The following DLG2 variants were observed in gnomAD, a reference collection of about 807,000 sequenced individuals.
DLG2 encodes the protein discs large MAGUK scaffold protein 2.
In DLG2, 45 loss-of-function variants were observed where a neutral mutation model predicts 132.5. The ratio of observed to expected loss-of-function variants is 0.34; its 90% CI spans 0.27 to 0.44. The LOEUF is 0.44. Ranked by LOEUF, DLG2 falls within the 20% of genes least tolerant of loss-of-function variation. The pLI, the probability that DLG2 is intolerant of heterozygous loss-of-function variation, is 1.00. For missense variants in DLG2, 1,045 were observed against 1,196.9 expected, an observed-to-expected ratio of 0.87 and a Z score of 1.87; for synonymous variants, 424 against 419.6, an observed-to-expected ratio of 1.01 and a Z score of -0.13.
intron 7 of DLG2, among the ~76,000 whole-genome samples, chr11:84,256,700 T>C (rs867860868): frequency 1.3e-5 from 2 of 152,188 alleles, no homozygotes; most frequent in African/African-American, 4.8e-5. Context: ...AGATTTCTTG[T>C]CTATTTAGAG....
chr11:84,777,265 ATGTATATGTGTGTGTG>A (rs1565933171), intron 6 of DLG2, among the ~76,000 whole-genome samples: 9 of 129,794 alleles, frequency 6.9e-5, no homozygotes, highest in African/African-American at 2.0e-4. Flanking sequence ...TTGTGTGTGT[ATGTATATGTGTGTGTG>A]TATATATATA....
At chr11:84,573,509 A>G (rs2099490995) in intron 6 of DLG2, among the ~76,000 whole-genome samples, 1 of 152,170 alleles carries the variant, frequency 6.6e-6, no homozygotes. Flanking sequence ...GTTAACATTA[A>G]GGTAGGCTGA....
At chr11:85,272,499 A>G (rs1171599983) in intron 4 of DLG2, among the ~76,000 whole-genome samples, 1 of 152,194 alleles carries the variant, frequency 6.6e-6, no homozygotes, top group African/African-American at 2.4e-5. Context: ...TTCCTTCTCC[A>G]GAACAGTTTT....
chr11:83,477,036 G>C (rs1019996592), intron 22 of DLG2, among the ~76,000 whole-genome samples: 1 of 152,064 alleles, frequency 6.6e-6, no homozygotes, highest in Non-Finnish European at 1.5e-5. Context: ...GTTTCACTCA[G>C]ATTAGTTCTT....
chr11:84,568,103 C>G (rs1474458639), intron 6 of DLG2, among the ~76,000 whole-genome samples: 1 of 152,136 alleles, frequency 6.6e-6, no homozygotes, highest in Non-Finnish European at 1.5e-5. Flanking sequence ...AATGGCATGG[C>G]TAGACCACCT....
chr11:84,454,339 TTGTC>T, intron 7 of DLG2, among the ~76,000 whole-genome samples: 1 of 151,540 alleles, frequency 6.6e-6, no homozygotes, highest in Middle Eastern at 3.4e-3. Context: ...ACTCAGGAAA[TTGTC>T]TAGCCTCTGA....
chr11:84,714,553 CTCTCTT>C (rs780891728), intron 6 of DLG2, among the ~76,000 whole-genome samples: 3,209 of 109,114 alleles, frequency 0.029, 98 homozygotes, highest in Admixed American at 0.096. Flanking sequence ...TTCTCTTTCT[CTCTCTT>C]TCTCTTTCTC....
chr11:84,030,419 T>A (rs2095659912), intron 11 of DLG2, among the ~76,000 whole-genome samples: 1 of 152,106 alleles, frequency 6.6e-6, no homozygotes, highest in South Asian at 2.1e-4. Context: ...GATATACAAG[T>A]TGAAAAGAAG....
intron 3 of DLG2, among the ~76,000 whole-genome samples, chr11:85,344,035 C>G (rs772436493): frequency 2.0e-5 from 3 of 152,184 alleles, no homozygotes; most frequent in Middle Eastern, 3.4e-3. Flanking sequence ...TATAAATATA[C>G]CAGGCAGATT....
intron 6 of DLG2, among the ~76,000 whole-genome samples, chr11:85,026,257 T>C (rs1354930313): frequency 1.3e-5 from 2 of 151,994 alleles, no homozygotes; most frequent in African/African-American, 4.8e-5. Context: ...TTCTGCAAAC[T>C]AAAAAGTAAA....
intron 7 of DLG2, among the ~76,000 whole-genome samples, chr11:84,253,072 G>T (rs2097410736): frequency 1.3e-5 from 2 of 152,028 alleles, no homozygotes; most frequent in Admixed American, 1.3e-4. Flanking sequence ...GTATATAATG[G>T]ATCAACTAGT....
chr11:84,589,729 G>T (rs1443506277), intron 6 of DLG2, among the ~76,000 whole-genome samples: 1 of 152,060 alleles, frequency 6.6e-6, no homozygotes, highest in Admixed American at 6.6e-5. Context: ...TTGAGGACAG[G>T]GGTCATGTCT....
chr11:83,924,833 T>C (rs10898180), intron 15 of DLG2, among the ~76,000 whole-genome samples: 11,747 of 152,174 alleles, frequency 0.077, 633 homozygotes, highest in African/African-American at 0.15. Context: ...ATTATAAATG[T>C]GGATTCTCTG....
At chr11:83,752,718 G>C (rs886080548) in intron 18 of DLG2, among the ~76,000 whole-genome samples, 10 of 146,528 alleles carry the variant, frequency 6.8e-5, no homozygotes, top group African/African-American at 2.5e-4. Context: ...TTTCTCCTAA[G>C]GGATTGATTC....
At chr11:85,580,575 T>C (rs2078446303) in intron 3 of DLG2, among the ~76,000 whole-genome samples, 2 of 152,258 alleles carry the variant, frequency 1.3e-5, no homozygotes, top group South Asian at 2.1e-4. Context: ...TATTAATTTA[T>C]TTTTCCTGAC....
chr11:84,975,837 C>G (rs1189062394), intron 6 of DLG2, among the ~76,000 whole-genome samples: 1 of 152,160 alleles, frequency 6.6e-6, no homozygotes, highest in African/African-American at 2.4e-5. Flanking sequence ...GCACCTCACT[C>G]CCCAGATTTC....
intron 7 of DLG2, among the ~76,000 whole-genome samples, chr11:84,357,917 A>C (rs2098627282): frequency 6.6e-6 from 1 of 151,974 alleles, no homozygotes; most frequent in Non-Finnish European, 1.5e-5. Context: ...AATTTTCTAG[A>C]AGTTGGCCAC....
intron 19 of DLG2, chr11:83,632,256 T>C (rs945553409): frequency 6.6e-6 from 1 of 152,166 alleles, no homozygotes; most frequent in African/African-American, 2.4e-5. Context: ...AAAGTTCAAC[T>C]CAAGCATGTA....
At chr11:85,159,949 C>A (rs2077896328) in intron 4 of DLG2, among the ~76,000 whole-genome samples, 1 of 152,168 alleles carries the variant, frequency 6.6e-6, no homozygotes, top group South Asian at 2.1e-4. Context: ...GTAGCAAACA[C>A]ACTGGACTTA....
Sources: gnomAD v4.1 joint callset for allele counts (sites outside exome capture counted in the v4.1 genomes callset) on GRCh38, gnomAD v4.1.1 for gene constraint, MANE v1.5 for transcripts, NCBI Gene and HGNC (gene_info 2026-07-23, HGNC 2026-07-21) for gene names.